Variants in ZFHX3 observed in about 807,000 individuals in gnomAD.
ZFHX3 encodes the protein zinc finger homeobox protein 3.
Under a neutral mutation model 279.1 loss-of-function variants are expected in ZFHX3, and 42 were observed. The ratio of observed to expected loss-of-function variants is 0.15; its 90% CI spans 0.12 to 0.19. ZFHX3 has a LOEUF of 0.19. Ranked by LOEUF, ZFHX3 falls within the 10% of genes least tolerant of loss-of-function variation. ZFHX3 has a pLI of 1.00. For synonymous variants in ZFHX3, 2,293 were observed against 1,957.8 expected (o/e 1.17, Z -4.52); for missense variants, 4,981 against 4,754.0 (o/e 1.05, Z -1.40).
At chr16:72,874,566 C>T (rs2038257995) in intron 4 of ZFHX3, among the ~76,000 whole-genome samples, 1 of 152,198 alleles carries the variant, frequency 6.6e-6, no homozygotes, top group South Asian at 2.1e-4. Flanking sequence ...TACATGGAAA[C>T]ATAGAAGGAA....
At chr16:72,965,261 C>G (rs1961780496) in intron 1 of ZFHX3, among the ~76,000 whole-genome samples, 1 of 152,174 alleles carries the variant, frequency 6.6e-6, no homozygotes, top group African/African-American at 2.4e-5. Context: ...TTTAAGCACC[C>G]AGGGACTGTC....
intron 1 of ZFHX3, among the ~76,000 whole-genome samples, chr16:73,684,229 G>C (rs2053055487): frequency 6.6e-6 from 1 of 152,110 alleles, no homozygotes; most frequent in Admixed American, 6.6e-5. Context: ...AGGAGGTCAA[G>C]GGAATCCAGA....
chr16:73,685,945 G>T (rs1358697174), intron 1 of ZFHX3, among the ~76,000 whole-genome samples: 1 of 152,140 alleles, frequency 6.6e-6, no homozygotes, highest in Non-Finnish European at 1.5e-5. Flanking sequence ...ATGTTATTCT[G>T]TTTCAGGAGA....
intron 4 of ZFHX3, among the ~76,000 whole-genome samples, chr16:73,271,372 AC>A (rs1469012666): frequency 6.6e-6 from 1 of 151,880 alleles, no homozygotes; most frequent in Non-Finnish European, 1.5e-5. Context: ...GGCAGGTCAC[AC>A]CCCCTGCTCA....
At chr16:73,272,366 A>G (rs1213731220) in intron 4 of ZFHX3, among the ~76,000 whole-genome samples, 3 of 152,208 alleles carry the variant, frequency 2.0e-5, no homozygotes, top group African/African-American at 7.2e-5. Flanking sequence ...GAGACCTGTT[A>G]GTCTGAAAAA....
chr16:73,533,289 A>G (rs1465009236), intron 2 of ZFHX3, among the ~76,000 whole-genome samples: 3 of 151,474 alleles, frequency 2.0e-5, no homozygotes, highest in Non-Finnish European at 1.5e-5. Context: ...ACTCCTGACT[A>G]TCACTTGTAC....
chr16:73,699,123 TCCGCCCA>T (rs1238445662), intron 1 of ZFHX3, among the ~76,000 whole-genome samples: 2 of 152,212 alleles, frequency 1.3e-5, no homozygotes, highest in Non-Finnish European at 2.9e-5. Context: ...GACTTCGTGA[TCCGCCCA>T]CCTTGGCCTC....
At chr16:73,269,920 T>C (rs1174639031) in intron 4 of ZFHX3, among the ~76,000 whole-genome samples, 1 of 151,936 alleles carries the variant, frequency 6.6e-6, no homozygotes, top group African/African-American at 2.4e-5. Context: ...GGCTAATTTT[T>C]TATTTGTAGT....
chr16:73,854,652 GA>G (rs574314390), intron 1 of ZFHX3, among the ~76,000 whole-genome samples: 6 of 91,092 alleles, frequency 6.6e-5, no homozygotes, highest in South Asian at 6.7e-4. Flanking sequence ...TGGTTAAATA[GA>G]AAAAAAACAC....
chr16:73,225,573 G>C (rs2012567512), intron 5 of ZFHX3, among the ~76,000 whole-genome samples: 1 of 152,058 alleles, frequency 6.6e-6, no homozygotes, highest in South Asian at 2.1e-4. Context: ...TTGGGTGATG[G>C]AGCAAGACCC....
chr16:72,825,972 G>A (rs1001768475), intron 5 of ZFHX3, among the ~76,000 whole-genome samples: 28 of 152,180 alleles, frequency 1.8e-4, no homozygotes, highest in Admixed American at 1.4e-3. Context: ...TCGGTCTTAC[G>A]ACTACGGGCG....
At chr16:72,951,053 C>T in intron 2 of ZFHX3, 88 bp from the exon 3 acceptor site, 2 of 1,518,916 alleles carry the variant, frequency 1.3e-6, no homozygotes. Flanking sequence ...CCGCCACCCT[C>T]AACTGGGGTC....
chr16:73,694,042 G>C (rs189704734), intron 1 of ZFHX3, among the ~76,000 whole-genome samples: 10 of 130,878 alleles, frequency 7.6e-5, no homozygotes, highest in African/African-American at 2.6e-4. Context: ...AAAAAAAATT[G>C]CTAGGCACAG....
intron 1 of ZFHX3, among the ~76,000 whole-genome samples, chr16:73,739,437 C>T (rs766878605): frequency 2.6e-5 from 4 of 152,128 alleles, no homozygotes; most frequent in Non-Finnish European, 5.9e-5. Context: ...CAACAGCAAC[C>T]CCCACCCCAG....
chr16:73,070,626 G>A (rs1365780154), intron 8 of ZFHX3, among the ~76,000 whole-genome samples: 1 of 152,084 alleles, frequency 6.6e-6, no homozygotes, highest in Non-Finnish European at 1.5e-5. Flanking sequence ...CCCTCGGCAG[G>A]CACTGCCTTT....
chr16:73,253,511 G>T (rs1212952572), intron 5 of ZFHX3, among the ~76,000 whole-genome samples: 1 of 151,160 alleles, frequency 6.6e-6, no homozygotes, highest in Admixed American at 6.6e-5. Context: ...GAGTGCAGTG[G>T]CATGATCTCG....
At chr16:73,676,657 C>T (rs1348273396) in intron 2 of ZFHX3, among the ~76,000 whole-genome samples, 4 of 151,798 alleles carry the variant, frequency 2.6e-5, no homozygotes, top group African/African-American at 4.8e-5. Flanking sequence ...TTAAATTTCC[C>T]TGTGAGAAGA....
intron 8 of ZFHX3, among the ~76,000 whole-genome samples, chr16:73,077,592 C>T (rs746971879): frequency 4.6e-5 from 7 of 151,166 alleles, no homozygotes; most frequent in African/African-American, 9.7e-5. Flanking sequence ...GTTTAAGAAA[C>T]GTTTAAGAGT....
At chr16:73,209,756 C>A (rs546353977) in intron 5 of ZFHX3, among the ~76,000 whole-genome samples, 4 of 152,102 alleles carry the variant, frequency 2.6e-5, no homozygotes, top group Non-Finnish European at 5.9e-5. Flanking sequence ...TATTATACAT[C>A]ATGTAGCTTC....
Sources: allele counts gnomAD v4.1 joint callset (sites outside exome capture counted in the v4.1 genomes callset), GRCh38; gene constraint gnomAD v4.1.1; transcripts MANE v1.5; gene names NCBI Gene and HGNC (gene_info 2026-07-23, HGNC 2026-07-21).